Variants in SLC25A21 observed in about 807,000 individuals in gnomAD.
SLC25A21 encodes solute carrier family 25 member 21, also known as mitochondrial 2-oxodicarboxylate carrier.
In SLC25A21, 47 loss-of-function variants were observed where a neutral mutation model predicts 43.8. The ratio of observed to expected loss-of-function variants is 1.07; its 90% CI spans 0.85 to 1.37. The LOEUF is 1.37. SLC25A21 is among the 40% of genes most tolerant of loss of function. The pLI is 0.00. For missense variants in SLC25A21, 352 were observed against 350.2 expected (o/e 1.00, Z -0.04); for synonymous variants, 131 against 121.3 (o/e 1.08, Z -0.52).
At chr14:36,682,170 C>CT (rs60676379) in intron 9 of SLC25A21, among the ~76,000 whole-genome samples, 63 of 147,860 alleles carry the variant, frequency 4.3e-4, no homozygotes, top group East Asian at 1.2e-3. Flanking sequence ...CTCTCTCATT[C>CT]TTTTTTTTTT....
rs1594360361 is a variant in SLC25A21 at position 37,172,571 on chromosome 14, G to A, written c.-221C>T. On this transcript the variant is annotated 5_prime_UTR_variant, in exon 1 of 10. Transcript: ENST00000331299. ...AACCTGTTCGCAGCGCTCTCGCAGA[G>A]GCGCCCTCGGCTCCGAAAATGTCTC... 1.4e-6 allele frequency: 1 copy of A among 701,994 alleles called. No homozygotes were observed. Among genetic ancestry groups the A allele is most frequent in the African/African-American group, 1.7e-5 (1 of 57,340 alleles). The allele number at this position is 701,994 out of a possible 1,614,324, so 43.5% of individuals were successfully genotyped here. A position where few individuals can be genotyped will look rare whatever the true frequency, so the allele number is the denominator to read the frequency against.
At chr14:37,136,725 G>GA (rs1017330476) in intron 1 of SLC25A21, among the ~76,000 whole-genome samples, 12 of 39,624 alleles carry the variant, frequency 3.0e-4, no homozygotes, top group Middle Eastern at 0.021. Flanking sequence ...TTCAGCAATT[G>GA]AAAAAAAATG....
chr14:37,120,550 A>G (rs768892398), intron 1 of SLC25A21, among the ~76,000 whole-genome samples: 12 of 152,140 alleles, frequency 7.9e-5, no homozygotes, highest in Non-Finnish European at 1.6e-4. Flanking sequence ...AAACTCCACA[A>G]TGCAGAGGAT....
chr14:36,862,803 A>G (rs1890110591), intron 2 of SLC25A21, among the ~76,000 whole-genome samples: 2 of 152,312 alleles, frequency 1.3e-5, no homozygotes, highest in African/African-American at 4.8e-5. Flanking sequence ...ATGGCATAAC[A>G]CTTAGAAAAA....
intron 3 of SLC25A21, among the ~76,000 whole-genome samples, chr14:36,764,199 A>AAACT (rs1246611352): frequency 0.018 from 2,677 of 146,056 alleles, 169 homozygotes; most frequent in African/African-American, 0.068. Context: ...AAAGAGAAAG[A>AAACT]AAGAAACTGT....
intron 2 of SLC25A21, among the ~76,000 whole-genome samples, chr14:36,858,374 G>A (rs1889964868): frequency 6.6e-6 from 1 of 152,166 alleles, no homozygotes; most frequent in Non-Finnish European, 1.5e-5. Context: ...TAAGCAACAA[G>A]AAACCACCAG....
intron 3 of SLC25A21, among the ~76,000 whole-genome samples, chr14:36,792,100 T>C (rs943355231): frequency 1.3e-5 from 2 of 152,194 alleles, no homozygotes; most frequent in Admixed American, 1.3e-4. Flanking sequence ...AAATGCTCTC[T>C]TTTTTATAAA....
rs1225536051 is a variant in SLC25A21 at position 36,678,693 on chromosome 14, G to GTTA, written c.*1962_*1964dup. 10 of 1,240,964 alleles carry GTTA rather than the reference G, an allele frequency of 8.1e-6. No homozygotes were observed. The highest frequency in any genetic ancestry group is 1.0e-5 in the Non-Finnish European group (10 of 990,842). 76.9% of individuals were successfully genotyped at this position (1,240,964 alleles called of 1,614,324 possible). On this transcript the variant is annotated 3_prime_UTR_variant, in exon 10 of 10. Transcript: ENST00000331299. ...TTGCTTGTGTGGAAATGCAAATAAT[G>GTTA]TTATTTTCTTTATCTAAATTAAGAA...
intron 1 of SLC25A21, among the ~76,000 whole-genome samples, chr14:36,911,234 A>C (rs1321620502): frequency 6.6e-6 from 1 of 152,220 alleles, no homozygotes; most frequent in African/African-American, 2.4e-5. Flanking sequence ...AAACTGTTAC[A>C]TGTATTTTAC....
At chr14:36,871,150 C>T (rs913431763) in intron 2 of SLC25A21, among the ~76,000 whole-genome samples, 2 of 151,344 alleles carry the variant, frequency 1.3e-5, no homozygotes, top group African/African-American at 4.8e-5. Flanking sequence ...ATGGTGAAAT[C>T]CAACCCCGCA....
At chr14:36,681,777 A>G (rs1882275769) in intron 9 of SLC25A21, among the ~76,000 whole-genome samples, 1 of 152,070 alleles carries the variant, frequency 6.6e-6, no homozygotes, top group South Asian at 2.1e-4. Flanking sequence ...TTGTGTAACC[A>G]TATACCAAAG....
chr14:36,960,897 A>T (rs961970172), intron 1 of SLC25A21, among the ~76,000 whole-genome samples: 1 of 152,224 alleles, frequency 6.6e-6, no homozygotes, highest in Non-Finnish European at 1.5e-5. Flanking sequence ...TTTTGCCAAT[A>T]ATCAGAAATA....
At chr14:36,894,331 C>T (rs188139477) in intron 1 of SLC25A21, among the ~76,000 whole-genome samples, 68 of 152,254 alleles carry the variant, frequency 4.5e-4, no homozygotes, top group African/African-American at 1.1e-3. Context: ...CATGATTTGG[C>T]TCTCTGTTTG....
chr14:36,956,973 A>C (rs990902591), intron 1 of SLC25A21, among the ~76,000 whole-genome samples: 6 of 152,216 alleles, frequency 3.9e-5, no homozygotes, highest in African/African-American at 1.4e-4. Context: ...AATGAATAAA[A>C]CCAGAGCTTT....
At chr14:37,168,273 T>C (rs1308095916) in intron 1 of SLC25A21, among the ~76,000 whole-genome samples, 1 of 152,132 alleles carries the variant, frequency 6.6e-6, no homozygotes, top group Non-Finnish European at 1.5e-5. Flanking sequence ...CTCTCATTAT[T>C]GGCTTCTGTG....
At chr14:37,163,488 A>G (rs1963983525) in intron 1 of SLC25A21, among the ~76,000 whole-genome samples, 1 of 152,164 alleles carries the variant, frequency 6.6e-6, no homozygotes, top group African/African-American at 2.4e-5. Flanking sequence ...ATTGACACAA[A>G]CATAATAAAA....
intron 4 of SLC25A21, among the ~76,000 whole-genome samples, chr14:36,730,163 A>G (rs913020799): frequency 1.3e-5 from 2 of 152,226 alleles, no homozygotes; most frequent in African/African-American, 4.8e-5. Flanking sequence ...AAAGCTGCTA[A>G]TTCCTTCCTT....
intron 1 of SLC25A21, among the ~76,000 whole-genome samples, chr14:37,119,244 A>C (rs1963161558): frequency 1.3e-5 from 2 of 152,146 alleles, no homozygotes; most frequent in African/African-American, 4.8e-5. Context: ...CCCCTTGCTT[A>C]GCATAGAATC....
chr14:36,859,516 C>A lies in SLC25A21; in HGVS notation c.119+15440G>T, dbSNP rs989996467. Among the ~76,000 whole-genome samples, 5 of 152,160 alleles carry A rather than the reference C, an allele frequency of 3.3e-5. No homozygotes were observed. In the South Asian group the frequency reaches 1.0e-3, roughly 32 times the overall value. ...TCCTAGTCTAGGGCGGAGGGTCATT[C>A]ATGCACTGGACTGGAGTTAAGAGGC... On this transcript the variant is annotated intron_variant, in intron 2 of 9. Transcript: ENST00000331299.
Sources: allele counts gnomAD v4.1 joint callset (sites outside exome capture counted in the v4.1 genomes callset), GRCh38; gene constraint gnomAD v4.1.1; transcripts MANE v1.5; gene names NCBI Gene and HGNC (gene_info 2026-07-23, HGNC 2026-07-21).